The following NUBPL variants were observed in gnomAD, a reference collection of about 807,000 sequenced individuals.
The protein encoded by NUBPL is NUBP iron-sulfur cluster assembly factor, mitochondrial.
Under a neutral mutation model 45.7 loss-of-function variants are expected in NUBPL, and 31 were observed. That is an observed-to-expected ratio of 0.68 (90% CI 0.51 to 0.92). The LOEUF (loss-of-function observed/expected upper bound fraction) is 0.92. Ranked by LOEUF, NUBPL falls within the 40% of genes least tolerant of loss-of-function variation. NUBPL has a pLI of 0.00. For synonymous variants in NUBPL, 144 were observed against 140.9 expected (o/e 1.02, Z -0.15); for missense variants, 401 against 398.7 (o/e 1.01, Z -0.05).
intron 3 of NUBPL, among the ~76,000 whole-genome samples, chr14:31,573,342 T>C (rs771338836): frequency 6.6e-6 from 1 of 152,184 alleles, no homozygotes; most frequent in Non-Finnish European, 1.5e-5. Flanking sequence ...TGATCTCAGC[T>C]TTTCCCACTG....
intron 7 of NUBPL, among the ~76,000 whole-genome samples, chr14:31,825,833 T>A (rs1471543676): frequency 6.6e-6 from 1 of 151,590 alleles, no homozygotes; most frequent in Admixed American, 6.6e-5. Context: ...TTCTTCTTCT[T>A]GTTTCTTCTT....
At chr14:31,726,536 T>C (rs1039567857) in intron 6 of NUBPL, among the ~76,000 whole-genome samples, 4 of 152,252 alleles carry the variant, frequency 2.6e-5, no homozygotes, top group African/African-American at 9.6e-5. Context: ...TTGTTTAGTT[T>C]GCAGATTTCT....
chr14:31,755,167 A>G (rs1212456986), intron 6 of NUBPL, among the ~76,000 whole-genome samples: 5 of 152,180 alleles, frequency 3.3e-5, no homozygotes, highest in East Asian at 1.9e-4. Context: ...ATACGTGTGC[A>G]TGTGTCTTTA....
At chr14:31,821,064 G>A (rs1443864304) in intron 7 of NUBPL, among the ~76,000 whole-genome samples, 2 of 149,628 alleles carry the variant, frequency 1.3e-5, no homozygotes, top group South Asian at 2.1e-4. Flanking sequence ...CGGAGGTTGC[G>A]GTGAGCTGAG....
chr14:31,671,905 T>C (rs2036579363), intron 4 of NUBPL, among the ~76,000 whole-genome samples: 1 of 152,130 alleles, frequency 6.6e-6, no homozygotes. Flanking sequence ...GAAGAACATA[T>C]CTTGAAATCT....
At chr14:31,616,605 G>A (rs1487264482) in intron 4 of NUBPL, among the ~76,000 whole-genome samples, 6 of 152,098 alleles carry the variant, frequency 3.9e-5, no homozygotes, top group African/African-American at 1.2e-4. Flanking sequence ...TATTTCTCAA[G>A]CCTCTGTTTT....
chr14:31,754,102 G>T (rs183132905), intron 6 of NUBPL, among the ~76,000 whole-genome samples: 7 of 152,202 alleles, frequency 4.6e-5, no homozygotes, highest in African/African-American at 1.7e-4. Context: ...GATGAATGTT[G>T]GGCACGTCTA....
rs577471355 is a variant in NUBPL, at chr14:31,833,344, G to A, written c.693+6630G>A. Among the ~76,000 whole-genome samples the A allele has an allele frequency of 3.0e-4, 45 of 152,040 alleles. 1 individual carries two copies. In the Middle Eastern group the frequency reaches 0.01, roughly 34 times the overall value. On this transcript the variant is annotated intron_variant, in intron 8 of 10. Transcript: ENST00000281081. ...TGATCATGTCAGTACACTCCAGCCT[G>A]AGTGTTATAGAGTGAGACCTTGTCT...
intron 8 of NUBPL, among the ~76,000 whole-genome samples, chr14:31,834,877 C>CT (rs2040257205): frequency 6.6e-6 from 1 of 152,204 alleles, no homozygotes; most frequent in Admixed American, 6.5e-5. Flanking sequence ...AGCCCGTATT[C>CT]TTAACTGCAG....
intron 6 of NUBPL, among the ~76,000 whole-genome samples, chr14:31,726,104 T>A (rs969137149): frequency 6.6e-6 from 1 of 152,190 alleles, no homozygotes; most frequent in Non-Finnish European, 1.5e-5. Flanking sequence ...GCCTTTCTCA[T>A]AAAAATAAAT....
intron 6 of NUBPL, among the ~76,000 whole-genome samples, chr14:31,745,306 G>GT (rs745639998): frequency 2.5e-4 from 38 of 152,006 alleles, no homozygotes; most frequent in Non-Finnish European, 4.6e-4. Flanking sequence ...GTGATGTTTG[G>GT]TTTTTTGTCC....
At chr14:31,694,841 T>C (rs2037178206) in intron 6 of NUBPL, among the ~76,000 whole-genome samples, 1 of 152,226 alleles carries the variant, frequency 6.6e-6, no homozygotes, top group South Asian at 2.1e-4. Context: ...GGCTATTTAC[T>C]ATGTTTGGGC....
chr14:31,841,933 T>G (rs1276150117), intron 8 of NUBPL, among the ~76,000 whole-genome samples: 4 of 124,386 alleles, frequency 3.2e-5, no homozygotes, highest in Non-Finnish European at 6.8e-5. Flanking sequence ...TTTTTTTTTT[T>G]TTTTTTTTTT....
intron 7 of NUBPL, among the ~76,000 whole-genome samples, chr14:31,816,394 T>G (rs1414846425): frequency 2.0e-5 from 3 of 152,198 alleles, no homozygotes; most frequent in African/African-American, 7.2e-5. Context: ...TATCATTTTT[T>G]ATTGTGTCTA....
intron 4 of NUBPL, among the ~76,000 whole-genome samples, chr14:31,646,179 C>T (rs1326574058): frequency 6.6e-6 from 1 of 151,986 alleles, no homozygotes; most frequent in African/African-American, 2.4e-5. Flanking sequence ...CCCTTCCCTT[C>T]CCTGCCCTTC....
chr14:31,795,036 A>G (rs1043093914), intron 7 of NUBPL, among the ~76,000 whole-genome samples: 17 of 148,244 alleles, frequency 1.1e-4, no homozygotes, highest in Non-Finnish European at 2.1e-4. Context: ...AAGATCAGAT[A>G]GTTGTAGATA....
chr14:31,634,457 A>T (rs112807949), intron 4 of NUBPL, among the ~76,000 whole-genome samples: 17 of 152,032 alleles, frequency 1.1e-4, no homozygotes, highest in African/African-American at 3.9e-4. Context: ...CATGGTGTAC[A>T]TGTGCCACAT....
At chr14:31,639,113 G>T (rs183624174) in intron 4 of NUBPL, among the ~76,000 whole-genome samples, 155 of 152,268 alleles carry the variant, frequency 1.0e-3, no homozygotes, top group South Asian at 5.0e-3. Context: ...GTCCAGCTTT[G>T]TTCCATTGCT....
At position 31,859,233 on chromosome 14, in the gene NUBPL, G is replaced by A. The variant is rs947485631; in HGVS notation, c.*53G>A. On this transcript the variant is annotated 3_prime_UTR_variant, in exon 11 of 11. Transcript: ENST00000281081. ...GGTACTGACATTAAGAGGACCTTTG[G>A]AAATCAGCAATGTGGTGATGGAACC... 32 of 1,368,164 alleles carry A rather than the reference G, an allele frequency of 2.3e-5. No individual in the cohort carries two copies. Among genetic ancestry groups the A allele is most frequent in the Non-Finnish European group, 3.3e-5 (32 of 956,504 alleles). The allele number at this position is 1,368,164 out of a possible 1,614,324, so 84.8% of individuals were successfully genotyped here.
Sources: allele counts gnomAD v4.1 joint callset (sites outside exome capture counted in the v4.1 genomes callset), GRCh38; gene constraint gnomAD v4.1.1; transcripts MANE v1.5; gene names NCBI Gene and HGNC (gene_info 2026-07-23, HGNC 2026-07-21).